Variants in ANKRD55 observed in about 807,000 individuals in gnomAD.
The protein encoded by ANKRD55 is ankyrin repeat domain-containing protein 55.
Under a neutral mutation model 60.6 loss-of-function variants are expected in ANKRD55, and 41 were observed. That is an observed-to-expected ratio of 0.68 (90% CI 0.53 to 0.88). The LOEUF (loss-of-function observed/expected upper bound fraction) is 0.88. Among genes scored for constraint, ANKRD55 ranks in the 40% least tolerant of loss-of-function variants. ANKRD55 has a pLI of 0.00. For synonymous variants in ANKRD55, 264 were observed against 290.3 expected (o/e 0.91, Z 0.92); for missense variants, 732 against 767.6 (o/e 0.95, Z 0.55).
intron 10 of ANKRD55, among the ~76,000 whole-genome samples, chr5:56,104,325 G>T (rs1375091538): frequency 6.6e-6 from 1 of 152,130 alleles, no homozygotes; most frequent in Non-Finnish European, 1.5e-5. Context: ...CAAGTCACAC[G>T]CTAGGAAGGG....
chr5:56,153,173 A>G (rs1032691104), intron 6 of ANKRD55, among the ~76,000 whole-genome samples: 3 of 152,156 alleles, frequency 2.0e-5, no homozygotes, highest in Non-Finnish European at 2.9e-5. Context: ...CATTATGTCT[A>G]TGAAATGATG....
chr5:56,207,651 T>C (rs1759547220), intron 2 of ANKRD55, among the ~76,000 whole-genome samples: 1 of 152,148 alleles, frequency 6.6e-6, no homozygotes, highest in South Asian at 2.1e-4. Flanking sequence ...TATCTAAACA[T>C]AGTAAAGGTA....
At position 56,137,297 on chromosome 5, in the gene ANKRD55, C is replaced by T. The variant is rs189647414; in HGVS notation, c.612+6504G>A. The T allele has an allele frequency of 4.4e-5, 69 of 1,564,144 alleles. No individual in the cohort carries two copies. The East Asian group carries it at 6.8e-4, about 15-fold the overall frequency. On this transcript the variant is annotated intron_variant, in intron 7 of 11. Coordinates refer to ENST00000341048, the MANE Select transcript of ANKRD55 (RefSeq NM_024669.3). The stretch of plus-strand genomic sequence containing the variant: ...AGAGTAATGCTGAACTTATGGGTTT[C>T]GATGTAGATTATCTGGTCATTGAGC...
chr5:56,128,759 C>A (rs1580962528), intron 7 of ANKRD55, among the ~76,000 whole-genome samples: 1 of 152,040 alleles, frequency 6.6e-6, no homozygotes, highest in Non-Finnish European at 1.5e-5. Context: ...GTACAGGAGA[C>A]AATGAAGGCA....
At chr5:56,229,965 A>G (rs1447218102) in intron 2 of ANKRD55, among the ~76,000 whole-genome samples, 1 of 152,188 alleles carries the variant, frequency 6.6e-6, no homozygotes, top group Non-Finnish European at 1.5e-5. Flanking sequence ...GGTAGGTTGG[A>G]TGACTGGTTC....
In ANKRD55 at chr5:56,206,319, A is replaced by C. The variant is rs187541252; in HGVS notation, c.59-22685T>G. Among the ~76,000 whole-genome samples the C allele has an allele frequency of 1.2e-4, 19 of 152,256 alleles. No homozygotes were observed. The East Asian group carries it at 3.7e-3, about 29-fold the overall frequency. On this transcript the variant is annotated intron_variant, in intron 2 of 11. Coordinates refer to ENST00000341048, the MANE Select transcript of ANKRD55 (RefSeq NM_024669.3). ...CATTCCTTCTTAAAATTGCCTTAAA[A>C]ATTTTACTGACCCTTTAAAGTGTAT...
In ANKRD55 at chr5:56,099,933, A is replaced by G. The variant is rs1348062709; in HGVS notation, c.*250T>C. On this transcript the variant is annotated 3_prime_UTR_variant, in exon 12 of 12. Coordinates refer to ENST00000341048, the MANE Select transcript of ANKRD55 (RefSeq NM_024669.3). ...ATAGCTCAGTTTTCCTACTGATAAC[A>G]TATTTTGTCTTTTAATTTTGGCATG... is the stretch of plus-strand genomic sequence containing the variant. 1 of 444,652 alleles carries G rather than the reference A, an allele frequency of 2.2e-6. No homozygotes were observed. Among genetic ancestry groups the G allele is most frequent in the Non-Finnish European group, 4.0e-6 (1 of 247,276 alleles). 27.5% of individuals were successfully genotyped at this position (444,652 alleles called of 1,614,324 possible). A position where few individuals can be genotyped will look rare whatever the true frequency, so the allele number is the denominator to read the frequency against.
At chr5:56,163,871 C>A (rs755627043) in intron 5 of ANKRD55, among the ~76,000 whole-genome samples, 3 of 152,142 alleles carry the variant, frequency 2.0e-5, no homozygotes, top group Non-Finnish European at 4.4e-5. Context: ...GTGGGCAGAT[C>A]ACCTGAAGTC....
At chr5:56,149,181 A>G (rs1212091822) in intron 6 of ANKRD55, among the ~76,000 whole-genome samples, 1 of 152,174 alleles carries the variant, frequency 6.6e-6, no homozygotes, top group Non-Finnish European at 1.5e-5. Flanking sequence ...AAATTAATTC[A>G]TTGTCTTTGT....
intron 7 of ANKRD55, among the ~76,000 whole-genome samples, chr5:56,143,178 T>C (rs975808990): frequency 6.6e-6 from 1 of 152,058 alleles, no homozygotes; most frequent in Admixed American, 6.5e-5. Flanking sequence ...ATGCTCTCCT[T>C]GAAAAAAGGA....
chr5:56,152,860 C>T (rs532307727), intron 6 of ANKRD55, among the ~76,000 whole-genome samples: 140 of 151,908 alleles, frequency 9.2e-4, no homozygotes, highest in African/African-American at 3.3e-3. Flanking sequence ...TTTAACATAA[C>T]ATAATCCAGT....
At chr5:56,182,448 C>T (rs537313057) in intron 3 of ANKRD55, among the ~76,000 whole-genome samples, 4 of 152,148 alleles carry the variant, frequency 2.6e-5, no homozygotes, top group South Asian at 4.1e-4. Context: ...TTCCTTATGT[C>T]TTTTATTTCT....
chr5:56,155,384 G>A (rs1758166233), intron 6 of ANKRD55, among the ~76,000 whole-genome samples: 1 of 152,182 alleles, frequency 6.6e-6, no homozygotes, highest in Non-Finnish European at 1.5e-5. Context: ...CAGAACAACA[G>A]AGAAAAAACT....
chr5:56,110,233 CAAA>C (rs11445540), intron 10 of ANKRD55, among the ~76,000 whole-genome samples: 8 of 113,924 alleles, frequency 7.0e-5, no homozygotes, highest in African/African-American at 6.4e-5. Flanking sequence ...TCCATCTCTA[CAAA>C]AAAAAAAAAA....
chr5:56,135,300 T>C (rs1490306937), intron 7 of ANKRD55, among the ~76,000 whole-genome samples: 88 of 6,348 alleles, frequency 0.014, 2 homozygotes, highest in South Asian at 0.022. Flanking sequence ...GCTTGCTTTC[T>C]TTCTTTCTTT....
rs118105323 is a variant in ANKRD55 at position 56,103,315 on chromosome 5, G to A, written c.1631-729C>T. Reference sequence around the variant, plus strand: ...CTAGTGTCTTGAAATCAGCCATGGTGGGTGTATTTACACCGTGAAAAATCA... The same window carrying A: ...CTAGTGTCTTGAAATCAGCCATGGTAGGTGTATTTACACCGTGAAAAATCA... On this transcript the variant is annotated intron_variant, in intron 10 of 11. Transcript: ENST00000341048. Among the ~76,000 whole-genome samples, 67 of 152,264 alleles carry A rather than the reference G, an allele frequency of 4.4e-4. 1 individual carries two copies. In the East Asian group the frequency reaches 0.011, roughly 25 times the overall value.
chr5:56,221,891 C>T (rs777335230), intron 2 of ANKRD55, among the ~76,000 whole-genome samples: 7 of 152,234 alleles, frequency 4.6e-5, no homozygotes, highest in Non-Finnish European at 1.5e-5. Flanking sequence ...AGGAGGCCTG[C>T]CTGCCTCTGT....
At chr5:56,102,079 G>A (rs1756296285) in intron 11 of ANKRD55, among the ~76,000 whole-genome samples, 1 of 152,106 alleles carries the variant, frequency 6.6e-6, no homozygotes, top group South Asian at 2.1e-4. Flanking sequence ...GTTGGCACCT[G>A]ATGTTCCCTT....
chr5:56,150,563 C>T (rs1264257299), intron 6 of ANKRD55, among the ~76,000 whole-genome samples: 1 of 151,996 alleles, frequency 6.6e-6, no homozygotes, highest in Non-Finnish European at 1.5e-5. Context: ...GAGATTGCAC[C>T]ACTGCACTCT....
Sources: gnomAD v4.1 joint callset for allele counts (sites outside exome capture counted in the v4.1 genomes callset) on GRCh38, gnomAD v4.1.1 for gene constraint, MANE v1.5 for transcripts, NCBI Gene and HGNC (gene_info 2026-07-23, HGNC 2026-07-21) for gene names.